IQCN: variants seen among roughly 807,000 people sequenced by gnomAD.
IQCN encodes the protein IQ domain-containing protein N.
IQCN carries 46 observed loss-of-function variants against 64.4 expected under a neutral mutation model. That is an observed-to-expected ratio of 0.71 (90% CI 0.56 to 0.91). IQCN has a LOEUF of 0.91. Among genes scored for constraint, IQCN ranks in the 40% least tolerant of loss-of-function variants. The pLI is 0.00. For synonymous variants in IQCN, 733 were observed against 775.6 expected (o/e 0.95, Z 0.91); for missense variants, 1,753 against 1,857.4 (o/e 0.94, Z 1.03).
rs773193829 is a variant in IQCN at position 18,265,731 on chromosome 19, G to A, written c.1809C>T (p.Ala603=). 43 of 1,614,112 alleles carry A rather than the reference G, an allele frequency of 2.7e-5. No homozygotes were observed. The highest frequency in any genetic ancestry group is 8.8e-5 in the South Asian group (8 of 91,082). ...TCTGGGTGCCAGTCTTGATTTTCTC[G>A]GCTTCCAAAGGAAGCTCAGCTGCAG... ...PRAAAELPLE[A]EKIKTGTQKQ... The change falls in exon 3 of 4, where the codon GCC becomes GCT. Residue 603 remains alanine, a synonymous_variant. Coordinates refer to ENST00000392413, the MANE Select transcript of IQCN (RefSeq NM_001145304.2). This position sits in a 1 kb window ranked among gnomAD's most constrained non-coding sequence, Gnocchi z 4.7.
At chr19:18,267,797 T>C (rs570928580) in intron 2 of IQCN, 8 of 261,640 alleles carry the variant, frequency 3.1e-5, no homozygotes, top group South Asian at 1.6e-4. Context: ...CTTTTCTTTT[T>C]TTTTTTTTTT....
Position 18,274,315 on chromosome 19 carries a change from G to A in IQCN, c.-110+88C>T, listed in dbSNP as rs75374192. ...ACGACAGGGTCCCCCACGAACCCTC[G>A]CAAACAAGTCCTCCACCAGCCCCAC... On this transcript the variant is annotated intron_variant, in intron 1 of 3. Transcript: ENST00000392413. 1,632 of 152,360 alleles carry A rather than the reference G, an allele frequency of 0.011. 34 individuals are homozygous for A. Among genetic ancestry groups the A allele is most frequent in the African/African-American group, 0.037 (1,535 of 41,392 alleles). 9.4% of individuals were successfully genotyped at this position (152,360 alleles called of 1,614,324 possible). A position where few individuals can be genotyped will look rare whatever the true frequency, so the allele number is the denominator to read the frequency against.
In IQCN at chr19:18,265,558, TG is replaced by T. The variant is rs1244216598; in HGVS notation, c.1981del (p.Gln661SerfsTer6). On this transcript the variant is annotated frameshift_variant, in exon 3 of 4. Transcript: ENST00000392413. LOFTEE classifies it high-confidence loss of function. The surrounding 1 kb of genome is among the most constrained non-coding windows in gnomAD (Gnocchi z 4.7). ...GGCATTGGTCAGTGGGGCAGCCAGC[TG>T]TCCCCGGGGCAGGGTGACAGCCATG... ...VDMAVTLPRG[Q>X]LAAPLTNASS... 3 of 1,611,720 alleles carry T rather than the reference TG, an allele frequency of 1.9e-6. No individual in the cohort carries two copies. Among genetic ancestry groups the T allele is most frequent in the Non-Finnish European group, 2.5e-6 (3 of 1,178,398 alleles).
rs112806595 is a variant in IQCN at position 18,257,723 on chromosome 19, G to T, written c.3561C>A (p.His1187Gln). The change falls in exon 4 of 4, where the codon CAC becomes CAA. Residue 1187 changes from histidine (H) to glutamine (Q), a missense_variant. Coordinates refer to ENST00000392413, the MANE Select transcript of IQCN (RefSeq NM_001145304.2). ...RDQARHWQMLHPVTWVELGSR... is the reference protein window; with the variant it reads ...RDQARHWQMLQPVTWVELGSR... ...TGCCCAGCTCCACCCACGTGACGGG[G>T]TGGAGCATCTGCCAGTGCCGGGCTT... 167 of 1,610,372 alleles carry T rather than the reference G, an allele frequency of 1.0e-4. 2 individuals carry two copies. In the African/African-American group the frequency reaches 1.9e-3, roughly 19 times the overall value.
rs1296966254 is a variant in IQCN at position 18,264,629 on chromosome 19, A to G, written c.2911T>C (p.Leu971=). 2.6e-6 allele frequency: 4 copies of G among 1,551,178 alleles called. No homozygotes were observed. The highest frequency in any genetic ancestry group is 3.5e-6 in the Non-Finnish European group (4 of 1,146,962). Residue 971 remains leucine, a synonymous_variant, in exon 3 of 4, where the codon TTG becomes CTG. Coordinates refer to ENST00000392413, the MANE Select transcript of IQCN (RefSeq NM_001145304.2). This position sits in a 1 kb window ranked among gnomAD's most constrained non-coding sequence, Gnocchi z 4.3. ...AELTKVMQGK[L]AEVLSKALTE... ...AAAGCCTTGCTAAGCACCTCGGCCA[A>G]TTTACCCTGCATGACCTTGGTGAGT... is the stretch of plus-strand genomic sequence containing the variant.
chr19:18,269,431 T>A (rs1341236857), intron 2 of IQCN, 35 bp downstream of exon 2: 2 of 1,610,786 alleles, frequency 1.2e-6, no homozygotes, highest in Non-Finnish European at 1.7e-6. Context: ...CAGGTTGGAC[T>A]AGCCAGACCC....
chr19:18,257,777 G>C lies in IQCN; in HGVS notation c.3507C>G (p.Ala1169=). Residue 1169 remains alanine, a synonymous_variant, in exon 4 of 4, where the codon GCC becomes GCG. Transcript: ENST00000392413. ...LCRATTTIQS[A]WRGYSTRRDQ... ...CCCGGCGGGTGCTGTAGCCGCGCCA[G>C]GCAGACTGGATGGTCGTGGTGGCTC... The C allele has an allele frequency of 1.2e-6, 2 of 1,611,232 alleles. No homozygotes were observed. The highest frequency in any genetic ancestry group is 1.7e-6 in the Non-Finnish European group (2 of 1,179,260).
intron 1 of IQCN, among the ~76,000 whole-genome samples, chr19:18,272,992 A>G (rs1969773762): frequency 6.6e-6 from 1 of 152,192 alleles, no homozygotes; most frequent in African/African-American, 2.4e-5. Context: ...TTCGGAGACA[A>G]GAGGCAATGC....
rs1357496783 is a variant in IQCN, at chr19:18,265,516, G to A, written c.2024C>T (p.Pro675Leu). ...PLTNASSQRHPPCLSQRPLAA... is the reference protein window; with the variant it reads ...PLTNASSQRHLPCLSQRPLAA... ...CAGTGGTCTCTGGGACAGGCAGGGT[G>A]GATGTCTCTGGGATGAGGCATTGGT... The change falls in exon 3 of 4, where the codon CCA (proline) becomes CTA (leucine). Residue 675 changes from proline to leucine, a missense_variant. Transcript: ENST00000392413. The surrounding 1 kb of genome is among the most constrained non-coding windows in gnomAD (Gnocchi z 4.7). 4 of 1,612,680 alleles carry A rather than the reference G, an allele frequency of 2.5e-6. No individual in the cohort carries two copies. Among genetic ancestry groups the A allele is most frequent in the African/African-American group, 1.3e-5 (1 of 75,022 alleles).
At position 18,265,070 on chromosome 19, in the gene IQCN, C is replaced by A. The variant is rs769967533; in HGVS notation, c.2470G>T (p.Ala824Ser). The change falls in exon 3 of 4, where the codon GCA becomes TCA. Residue 824 changes from alanine (A) to serine (S), a missense_variant. Ala to Ser is a moderately conservative substitution (Grantham distance 99). Coordinates refer to ENST00000392413, the MANE Select transcript of IQCN (RefSeq NM_001145304.2). This position sits in a 1 kb window ranked among gnomAD's most constrained non-coding sequence, Gnocchi z 4.7. Reference protein sequence around the residue: ...GKTTQGGPCPAACEVQGMLVP... With the variant: ...GKTTQGGPCPSACEVQGMLVP... The stretch of plus-strand genomic sequence containing the variant: ...AGCATACCCTGGACCTCACAGGCTG[C>A]CGGGCATGGTCCCCCCTGAGTGGTC... 3 of 1,601,280 alleles carry A rather than the reference C, an allele frequency of 1.9e-6. No homozygotes were observed. Among genetic ancestry groups the A allele is most frequent in the African/African-American group, 2.7e-5 (2 of 75,060 alleles).
intron 2 of IQCN, among the ~76,000 whole-genome samples, chr19:18,268,918 C>T (rs9710599): frequency 0.41 from 60,403 of 146,336 alleles, 12,620 homozygotes; most frequent in African/African-American, 0.49. Flanking sequence ...GCCGAGATCG[C>T]GCCACCTCAC....
intron 3 of IQCN, chr19:18,262,382 G>A (rs1237482764): frequency 2.0e-5 from 3 of 152,794 alleles, no homozygotes; most frequent in African/African-American, 7.2e-5. Flanking sequence ...GAGATGGGTA[G>A]TCTGGACTTG....
At chr19:18,259,815 G>A (rs1330734225) in intron 3 of IQCN, 2 of 152,340 alleles carry the variant, frequency 1.3e-5, no homozygotes. Flanking sequence ...GTTGGGCACT[G>A]AAGCCAGAGA....
Position 18,265,194 on chromosome 19 carries a change from G to A in IQCN, c.2346C>T (p.Asn782=), listed in dbSNP as rs1484983199. 25 of 1,610,942 alleles carry A rather than the reference G, an allele frequency of 1.6e-5. No individual in the cohort carries two copies. Among genetic ancestry groups the A allele is most frequent in the Non-Finnish European group, 2.1e-5 (25 of 1,179,978 alleles). ...GGCCACCGAGGCGCTGGCAGGCGTG[G>A]TTGGACACCTTGGACCCTGTTAGGA... ...QVLLTGSKVS[N]HACQRLGGLS... Residue 782 remains asparagine, a synonymous_variant, in exon 3 of 4, where the codon AAC becomes AAT. Coordinates refer to ENST00000392413, the MANE Select transcript of IQCN (RefSeq NM_001145304.2). This position sits in a 1 kb window ranked among gnomAD's most constrained non-coding sequence, Gnocchi z 4.7.
In IQCN at chr19:18,264,037, C is replaced by T. The variant is rs1015446890; in HGVS notation, c.3177+326G>A. Among the ~76,000 whole-genome samples the T allele has an allele frequency of 1.3e-5, 2 of 152,142 alleles. No homozygotes were observed. The highest frequency in any genetic ancestry group is 2.4e-5 in the African/African-American group (1 of 41,424). On this transcript the variant is annotated intron_variant, in intron 3 of 3. Coordinates refer to ENST00000392413, the MANE Select transcript of IQCN (RefSeq NM_001145304.2). The surrounding 1 kb of genome is among the most constrained non-coding windows in gnomAD (Gnocchi z 4.3). Reference sequence around the variant, plus strand: ...AAACTGGGGCCCTCCCCACTCCCCTCGGGGTTAAAATCTGATGCCAATGTG... The same window carrying T: ...AAACTGGGGCCCTCCCCACTCCCCTTGGGGTTAAAATCTGATGCCAATGTG...
chr19:18,267,306 G>A lies in IQCN; in HGVS notation c.234C>T (p.Arg78=), dbSNP rs759580986. 4.8e-5 allele frequency: 77 copies of A among 1,614,252 alleles called. No individual in the cohort carries two copies. The highest frequency in any genetic ancestry group is 2.6e-4 in the South Asian group (24 of 91,088). The change falls in exon 3 of 4, where the codon CGC becomes CGT. Residue 78 remains arginine, a synonymous_variant. Coordinates refer to ENST00000392413, the MANE Select transcript of IQCN (RefSeq NM_001145304.2). ...QPAEGKTASR[R]VPRLRAVVES... Reference sequence around the variant, plus strand: ...CGACCACAGCCCGGAGGCGTGGGACGCGGCGGGACGCCGTCTTGCCTTCGG... The same window carrying A: ...CGACCACAGCCCGGAGGCGTGGGACACGGCGGGACGCCGTCTTGCCTTCGG...
Position 18,266,552 on chromosome 19 carries a change from A to G in IQCN, c.988T>C (p.Cys330Arg), listed in dbSNP as rs762825441. 12 of 1,612,952 alleles carry G rather than the reference A, an allele frequency of 7.4e-6. No individual in the cohort carries two copies. The highest frequency in any genetic ancestry group is 4.0e-5 in the African/African-American group (3 of 74,768). Residue 330 changes from cysteine to arginine, a missense_variant, in exon 3 of 4, where the codon TGT becomes CGT. Cys to Arg is a radical substitution (Grantham distance 180). Coordinates refer to ENST00000392413, the MANE Select transcript of IQCN (RefSeq NM_001145304.2). The surrounding 1 kb of genome is among the most constrained non-coding windows in gnomAD (Gnocchi z 4.3). Reference sequence around the variant, plus strand: ...GTCTTGGTGATCATGGGCCCTGGACATATCTGGAAGGGGGCTTTGGGGGTC... The same window carrying G: ...GTCTTGGTGATCATGGGCCCTGGACGTATCTGGAAGGGGGCTTTGGGGGTC... ...AETPKAPFQI[C>R]PGPMITKTLL... is the part of the protein sequence containing the mutation.
intron 3 of IQCN, chr19:18,259,489 A>C (rs1345760069): frequency 6.6e-6 from 1 of 152,272 alleles, no homozygotes; most frequent in African/African-American, 2.4e-5. Context: ...CTGGACACAG[A>C]GCCTGCGGGA....
chr19:18,258,193 C>T (rs1286407840), intron 3 of IQCN, 87 bp from the exon 4 acceptor site: 21 of 1,462,200 alleles, frequency 1.4e-5, no homozygotes, highest in Non-Finnish European at 2.0e-5. Flanking sequence ...CACGGTGACT[C>T]CTGGTTAAAA....
Sources: gnomAD v4.1 joint callset for allele counts (sites outside exome capture counted in the v4.1 genomes callset) on GRCh38, gnomAD v4.1.1 for gene constraint, Gnocchi (gnomAD v3.1) non-coding constraint, MANE v1.5 for transcripts, NCBI Gene and HGNC (gene_info 2026-07-23, HGNC 2026-07-21) for gene names.